The following PCDHGA3 variants were observed in gnomAD, a reference collection of about 807,000 sequenced individuals.
The protein encoded by PCDHGA3 is protocadherin gamma-A3.
Under a neutral mutation model 58.5 loss-of-function variants are expected in PCDHGA3, and 40 were observed. The ratio of observed to expected loss-of-function variants is 0.68; its 90% CI spans 0.53 to 0.89. The LOEUF (loss-of-function observed/expected upper bound fraction) is 0.89. PCDHGA3 is among the 40% of genes least tolerant of loss of function. PCDHGA3 has a pLI of 0.00. For missense variants in PCDHGA3, 1,223 were observed against 1,195.9 expected (o/e 1.02, Z -0.33); for synonymous variants, 530 against 525.7 (o/e 1.01, Z -0.11).
intron 1 of PCDHGA3, chr5:141,375,273 C>A (rs770340172): frequency 6.2e-7 from 1 of 1,613,854 alleles, no homozygotes; most frequent in South Asian, 1.1e-5. Flanking sequence ...TTGGAAAAAT[C>A]AGTTGGCAAT....
intron 1 of PCDHGA3, chr5:141,390,342 G>A (rs1484978612): frequency 6.3e-7 from 1 of 1,581,534 alleles, no homozygotes; most frequent in Non-Finnish European, 8.6e-7. Context: ...ATATTCACAA[G>A]AAAATATACA....
At chr5:141,421,305 G>A in intron 1 of PCDHGA3, 23 of 1,613,652 alleles carry the variant, frequency 1.4e-5, no homozygotes, top group Non-Finnish European at 1.9e-5. Context: ...CGCTGCGGGG[G>A]TTCCGGGCCA....
rs1231863269 is a variant in PCDHGA3 at position 141,485,594 on chromosome 5, G to A, written c.2425-9213G>A. 1.9e-6 allele frequency: 3 copies of A among 1,612,578 alleles called. No individual in the cohort carries two copies. The highest frequency in any genetic ancestry group is 2.5e-6 in the Non-Finnish European group (3 of 1,178,798). On this transcript the variant is annotated intron_variant, in intron 1 of 3. Transcript: ENST00000253812. The surrounding 1 kb of genome is among the most constrained non-coding windows in gnomAD (Gnocchi z 5.7). ...TTTTCCGCGGCAGCAGCTGGACTTGGAAATTGGGGAGGCAGCTCCTCCAGG... is the reference window on the plus strand; with the variant it reads ...TTTTCCGCGGCAGCAGCTGGACTTGAAAATTGGGGAGGCAGCTCCTCCAGG...
chr5:141,503,630 A>G, intron 2 of PCDHGA3, among the ~76,000 whole-genome samples: 1 of 152,088 alleles, frequency 6.6e-6, no homozygotes, highest in Admixed American at 6.6e-5. Flanking sequence ...AAGAAAAGAA[A>G]TAATTATTGA....
At chr5:141,447,798 A>G (rs2098551922) in intron 1 of PCDHGA3, among the ~76,000 whole-genome samples, 2 of 152,230 alleles carry the variant, frequency 1.3e-5, no homozygotes, top group Admixed American at 1.3e-4. Context: ...TTAAGAAAAT[A>G]AAATTGGCTG....
intron 1 of PCDHGA3, chr5:141,404,653 C>A (rs754039673): frequency 2.4e-5 from 39 of 1,614,206 alleles, no homozygotes; most frequent in Non-Finnish European, 3.1e-5. Flanking sequence ...ACCCTGCCCT[C>A]CCCACTGATG....
At chr5:141,362,201 A>G in intron 1 of PCDHGA3, 7 of 1,613,962 alleles carry the variant, frequency 4.3e-6, no homozygotes, top group Non-Finnish European at 5.9e-6. Flanking sequence ...GCAAAACTGC[A>G]GTTTTACCTG....
rs780024608 is a variant in PCDHGA3, at chr5:141,376,291, C to T, written c.2424+29834C>T. Reference sequence around the variant, plus strand: ...CGGGAGGTGGCTTAGCGAGCATGCCCGGCTCGCACTTTGTGGGCGTGGAAG... The same window carrying T: ...CGGGAGGTGGCTTAGCGAGCATGCCTGGCTCGCACTTTGTGGGCGTGGAAG... On this transcript the variant is annotated intron_variant, in intron 1 of 3. Coordinates refer to ENST00000253812, the MANE Select transcript of PCDHGA3 (RefSeq NM_018916.4). 8 of 1,614,158 alleles carry T rather than the reference C, an allele frequency of 5.0e-6. No homozygotes were observed. The East Asian group carries it at 6.7e-5, about 13-fold the overall frequency.
chr5:141,502,450 C>T (rs184669731), intron 2 of PCDHGA3, among the ~76,000 whole-genome samples: 3 of 152,010 alleles, frequency 2.0e-5, no homozygotes, highest in Admixed American at 1.3e-4. Context: ...AGATTACACA[C>T]CTTGGTAGGA....
chr5:141,501,478 T>A (rs536337246), intron 2 of PCDHGA3, among the ~76,000 whole-genome samples: 5 of 151,890 alleles, frequency 3.3e-5, no homozygotes, highest in Non-Finnish European at 7.4e-5. Flanking sequence ...CCTGGAAGAG[T>A]CCCTCATATC....
intron 1 of PCDHGA3, chr5:141,356,848 C>G: frequency 6.2e-7 from 1 of 1,614,198 alleles, no homozygotes; most frequent in Non-Finnish European, 8.5e-7. Context: ...GTCACTGAGC[C>G]TCTTTGTGCT....
Position 141,476,239 on chromosome 5 carries a change from A to T in PCDHGA3, c.2425-18568A>T. ...TTCACTATGAGATCCCGGAGGAAAG[A>T]GAGAAGGGTTTCGCTGTGGGCAACG... is the stretch of plus-strand genomic sequence containing the variant. On this transcript the variant is annotated intron_variant, in intron 1 of 3. Coordinates refer to ENST00000253812, the MANE Select transcript of PCDHGA3 (RefSeq NM_018916.4). This position sits in a 1 kb window ranked among gnomAD's most constrained non-coding sequence, Gnocchi z 7.6. 1 of 1,613,826 alleles carries T rather than the reference A, an allele frequency of 6.2e-7. No homozygotes were observed. Among genetic ancestry groups the T allele is most frequent in the Non-Finnish European group, 8.5e-7 (1 of 1,179,996 alleles).
intron 1 of PCDHGA3, chr5:141,388,994 T>C: frequency 6.2e-7 from 1 of 1,614,042 alleles, no homozygotes; most frequent in Non-Finnish European, 8.5e-7. Flanking sequence ...TCAAAGTCCG[T>C]GACAAGGATT....
chr5:141,343,906 C>T lies in PCDHGA3; in HGVS notation c.-128C>T. The T allele has an allele frequency of 1.1e-6, 1 of 870,422 alleles. No individual in the cohort carries two copies. Among genetic ancestry groups the T allele is most frequent in the Non-Finnish European group, 1.7e-6 (1 of 579,882 alleles). 53.9% of individuals were successfully genotyped at this position (870,422 alleles called of 1,614,324 possible). ...TCCGGGGCGGCTGCCAACCTCACCTCTTAGTCAACCAGCTGTTTGACCTGT... is the reference window on the plus strand; with the variant it reads ...TCCGGGGCGGCTGCCAACCTCACCTTTTAGTCAACCAGCTGTTTGACCTGT... On this transcript the variant is annotated 5_prime_UTR_variant, in exon 1 of 4. Coordinates refer to ENST00000253812, the MANE Select transcript of PCDHGA3 (RefSeq NM_018916.4).
intron 1 of PCDHGA3, chr5:141,357,277 C>T: frequency 6.2e-7 from 1 of 1,613,924 alleles, no homozygotes; most frequent in Non-Finnish European, 8.5e-7. Flanking sequence ...CACACTCTAT[C>T]TCGTGGTGGC....
intron 1 of PCDHGA3, chr5:141,403,162 T>C (rs745617954): frequency 9.3e-6 from 15 of 1,613,862 alleles, no homozygotes; most frequent in African/African-American, 2.7e-5. Flanking sequence ...TCTCTAGAGG[T>C]AGGACGCAGC....
chr5:141,394,918 G>A, intron 1 of PCDHGA3: 1 of 1,613,812 alleles, frequency 6.2e-7, no homozygotes, highest in Non-Finnish European at 8.5e-7. Context: ...GCCATCTCCT[G>A]TGTCTTCCTC....
intron 1 of PCDHGA3, chr5:141,361,352 C>G: frequency 6.2e-7 from 1 of 1,613,998 alleles, no homozygotes; most frequent in Non-Finnish European, 8.5e-7. Flanking sequence ...AAACTAGTGA[C>G]AGACGGCGCT....
chr5:141,501,290 T>TACACAC lies in PCDHGA3; in HGVS notation c.2484-4064_2484-4059dup, dbSNP rs55762287. Among the ~76,000 whole-genome samples the TACACAC allele has an allele frequency of 5.7e-3, 774 of 136,224 alleles. 5 individuals are homozygous for TACACAC. The highest frequency in any genetic ancestry group is 9.9e-3 in the African/African-American group (361 of 36,504). The allele number at this position is 136,224 out of a possible 152,430, so 89.4% of individuals were successfully genotyped here. A position where few individuals can be genotyped will look rare whatever the true frequency, so the allele number is the denominator to read the frequency against. ...GTCCAGTCTATGGGATATTCCCTTA[T>TACACAC]ACACACACACACACACACACACACA... On this transcript the variant is annotated intron_variant, in intron 2 of 3. Transcript: ENST00000253812.
Sources: gnomAD v4.1 joint callset for allele counts (sites outside exome capture counted in the v4.1 genomes callset) on GRCh38, gnomAD v4.1.1 for gene constraint, Gnocchi (gnomAD v3.1) non-coding constraint, MANE v1.5 for transcripts, NCBI Gene and HGNC (gene_info 2026-07-23, HGNC 2026-07-21) for gene names.